The following NEGR1 variants were observed in gnomAD, a reference collection of about 807,000 sequenced individuals.
NEGR1 encodes the protein IgLON family member 4.
A neutral mutation model predicts 40.9 loss-of-function variants in NEGR1; 10 were observed. The observed-to-expected ratio is 0.24, with a 90% CI of 0.15 to 0.42. The LOEUF (loss-of-function observed/expected upper bound fraction) is 0.42. Ranked by LOEUF, NEGR1 falls within the 10% of genes least tolerant of loss-of-function variation. The pLI, the probability that NEGR1 is intolerant of heterozygous loss-of-function variation, is 1.00. For synonymous variants in NEGR1, 185 were observed against 166.8 expected (o/e 1.11, Z -0.84); for missense variants, 352 against 438.9 (o/e 0.80, Z 1.77).
At chr1:71,466,724 T>C (rs1212117303) in intron 6 of NEGR1, among the ~76,000 whole-genome samples, 1 of 152,086 alleles carries the variant, frequency 6.6e-6, no homozygotes, top group Non-Finnish European at 1.5e-5. Flanking sequence ...GTAAGGAGGC[T>C]GGTGTACATG....
chr1:72,103,678 G>A (rs1402757594), intron 1 of NEGR1, among the ~76,000 whole-genome samples: 1 of 152,096 alleles, frequency 6.6e-6, no homozygotes, highest in African/African-American at 2.4e-5. Context: ...AATAAGATAT[G>A]AGAGGAGAGA....
At chr1:71,773,228 G>A (rs546398411) in intron 3 of NEGR1, among the ~76,000 whole-genome samples, 1 of 152,160 alleles carries the variant, frequency 6.6e-6, no homozygotes, top group Non-Finnish European at 1.5e-5. Flanking sequence ...GACCATGAGT[G>A]AGTCAGCAAG....
intron 6 of NEGR1, among the ~76,000 whole-genome samples, chr1:71,564,281 C>T (rs1648550214): frequency 6.6e-6 from 1 of 151,950 alleles, no homozygotes. Flanking sequence ...ATTATCATCA[C>T]CACATACACT....
At chr1:72,255,195 G>T (rs570663595) in intron 1 of NEGR1, among the ~76,000 whole-genome samples, 1 of 152,210 alleles carries the variant, frequency 6.6e-6, no homozygotes, top group South Asian at 2.1e-4. Flanking sequence ...TAAGTTAAAT[G>T]CTCTCTTTGT....
chr1:72,136,510 TGA>T (rs1650469398), intron 1 of NEGR1, among the ~76,000 whole-genome samples: 2 of 140,938 alleles, frequency 1.4e-5, no homozygotes, highest in South Asian at 4.5e-4. Context: ...AAAACAGGAG[TGA>T]GAGAACAAAA....
rs750051843 is a variant in NEGR1, at chr1:72,282,233, TTG to T, written c.176+84_176+85del. 342 of 1,442,014 alleles carry T rather than the reference TTG, an allele frequency of 2.4e-4. 2 individuals are homozygous for T. The highest frequency in any genetic ancestry group is 4.0e-4 in the Admixed American group (21 of 52,186). The allele number at this position is 1,442,014 out of a possible 1,614,324, so 89.3% of individuals were successfully genotyped here. A position where few individuals can be genotyped will look rare whatever the true frequency, so the allele number is the denominator to read the frequency against. On this transcript the variant is annotated intron_variant, in intron 1 of 6. Transcript: ENST00000357731. ...TGATGAGCACCACCAGCATTATTGC[TTG>T]TGTTATAAAGAAGGCAAAGAGGGTT...
intron 3 of NEGR1, among the ~76,000 whole-genome samples, chr1:71,737,386 A>C (rs1655073020): frequency 6.7e-6 from 1 of 150,104 alleles, no homozygotes; most frequent in African/African-American, 2.5e-5. Flanking sequence ...GCTAATGTTG[A>C]CTGAAAGTCT....
intron 4 of NEGR1, among the ~76,000 whole-genome samples, chr1:71,613,540 C>T (rs1047303924): frequency 4.0e-5 from 6 of 151,420 alleles, no homozygotes; most frequent in East Asian, 2.0e-4. Context: ...CCAGCTGAAG[C>T]GGGAGGCTTG....
intron 6 of NEGR1, among the ~76,000 whole-genome samples, chr1:71,471,642 A>C (rs1646782868): frequency 8.4e-6 from 1 of 119,108 alleles, no homozygotes; most frequent in South Asian, 3.0e-4. Flanking sequence ...CTAAAACAAA[A>C]CAAAACAAAA....
intron 1 of NEGR1, among the ~76,000 whole-genome samples, chr1:72,246,382 T>TAACA (rs1345342307): frequency 6.6e-6 from 1 of 152,214 alleles, no homozygotes; most frequent in South Asian, 2.1e-4. Context: ...CACTGTGCTC[T>TAACA]AACAATAATG....
chr1:72,244,035 C>T (rs867470022), intron 1 of NEGR1, among the ~76,000 whole-genome samples: 4 of 151,578 alleles, frequency 2.6e-5, no homozygotes, highest in Admixed American at 6.6e-5. Flanking sequence ...TCTAGTACAC[C>T]GTATTTAGTT....
At chr1:71,878,411 G>A (rs1387131506) in intron 2 of NEGR1, among the ~76,000 whole-genome samples, 1 of 152,042 alleles carries the variant, frequency 6.6e-6, no homozygotes, top group Non-Finnish European at 1.5e-5. Flanking sequence ...AGTCTGGTGT[G>A]GACTCCAATA....
intron 1 of NEGR1, among the ~76,000 whole-genome samples, chr1:72,221,473 C>T (rs997765840): frequency 4.6e-5 from 7 of 151,958 alleles, no homozygotes; most frequent in African/African-American, 1.2e-4. Context: ...TAGACTTCTT[C>T]GGGAAGCATG....
intron 1 of NEGR1, among the ~76,000 whole-genome samples, chr1:71,970,253 G>A (rs568482718): frequency 3.3e-5 from 5 of 152,252 alleles, no homozygotes; most frequent in Middle Eastern, 6.8e-3. Context: ...GGAAAGAGAC[G>A]TGAGCTGGAG....
intron 1 of NEGR1, among the ~76,000 whole-genome samples, chr1:72,049,525 C>A (rs1647037255): frequency 6.6e-6 from 1 of 151,586 alleles, no homozygotes; most frequent in African/African-American, 2.4e-5. Context: ...ACAAATTAAG[C>A]ATATAAAATT....
intron 1 of NEGR1, among the ~76,000 whole-genome samples, chr1:72,234,978 GC>G (rs575317018): frequency 1.3e-3 from 201 of 152,154 alleles, no homozygotes; most frequent in African/African-American, 4.6e-3. Flanking sequence ...TATGTTCACT[GC>G]AACACTATTT....
intron 2 of NEGR1, among the ~76,000 whole-genome samples, chr1:71,799,506 G>A (rs1310381485): frequency 1.3e-5 from 2 of 152,112 alleles, no homozygotes; most frequent in African/African-American, 2.4e-5. Context: ...AGTAAACATA[G>A]GTGAGCATGT....
At chr1:72,251,618 C>T (rs1478435496) in intron 1 of NEGR1, among the ~76,000 whole-genome samples, 3 of 152,092 alleles carry the variant, frequency 2.0e-5, no homozygotes, top group Admixed American at 6.6e-5. Context: ...AATGTAAATG[C>T]TATGTCAATC....
At chr1:71,839,480 G>C (rs976697812) in intron 2 of NEGR1, among the ~76,000 whole-genome samples, 1 of 151,690 alleles carries the variant, frequency 6.6e-6, no homozygotes, top group African/African-American at 2.4e-5. Context: ...CAAAGTGTTG[G>C]GATTACAGGC....
Sources: gnomAD v4.1 joint callset for allele counts (sites outside exome capture counted in the v4.1 genomes callset) on GRCh38, gnomAD v4.1.1 for gene constraint, MANE v1.5 for transcripts, NCBI Gene and HGNC (gene_info 2026-07-23, HGNC 2026-07-21) for gene names.